SLC8A1: variants seen among roughly 807,000 people sequenced by gnomAD.
The protein encoded by SLC8A1 is solute carrier family 8 member A1.
In SLC8A1, 18 loss-of-function variants were observed where a neutral mutation model predicts 68.3. The ratio of observed to expected loss-of-function variants is 0.26; its 90% CI spans 0.18 to 0.39. SLC8A1 has a LOEUF of 0.39. SLC8A1 is among the 10% of genes least tolerant of loss of function. SLC8A1 has a pLI of 1.00. For synonymous variants in SLC8A1, 475 were observed against 415.5 expected (o/e 1.14, Z -1.74); for missense variants, 985 against 1,156.7 (o/e 0.85, Z 2.15).
At chr2:40,300,320 T>A (rs558711741) in intron 2 of SLC8A1, among the ~76,000 whole-genome samples, 1 of 152,264 alleles carries the variant, frequency 6.6e-6, no homozygotes, top group Non-Finnish European at 1.5e-5. Flanking sequence ...ATCTGACAGA[T>A]GAGAAAGCAG....
intron 2 of SLC8A1, among the ~76,000 whole-genome samples, chr2:40,406,478 G>A (rs1165006761): frequency 6.6e-6 from 1 of 152,106 alleles, no homozygotes; most frequent in African/African-American, 2.4e-5. Flanking sequence ...CTTCTAAATG[G>A]GTTATTGAGC....
intron 2 of SLC8A1, among the ~76,000 whole-genome samples, chr2:40,236,241 C>A (rs1211127453): frequency 2.0e-5 from 3 of 150,950 alleles, no homozygotes; most frequent in Non-Finnish European, 4.4e-5. Flanking sequence ...GTCTAAGTCT[C>A]TTTGAAGGTC....
intron 1 of SLC8A1, among the ~76,000 whole-genome samples, chr2:40,496,118 A>G (rs560547045): frequency 1.9e-4 from 29 of 152,228 alleles, no homozygotes; most frequent in Admixed American, 1.6e-3. Context: ...TTTTGACTCT[A>G]ATAAATGCAA....
intron 2 of SLC8A1, among the ~76,000 whole-genome samples, chr2:40,425,308 T>A (rs1241939978): frequency 2.6e-5 from 4 of 150,972 alleles, no homozygotes; most frequent in South Asian, 4.2e-4. Flanking sequence ...TAGACATTTT[T>A]ATATTATAAA....
chr2:40,129,315 T>C (rs1376908205), intron 7 of SLC8A1, among the ~76,000 whole-genome samples: 2 of 151,964 alleles, frequency 1.3e-5, no homozygotes, highest in Non-Finnish European at 2.9e-5. Flanking sequence ...ACTGCAGCCT[T>C]GGCCTCCTGG....
At chr2:40,364,804 G>A (rs939008498) in intron 2 of SLC8A1, among the ~76,000 whole-genome samples, 2 of 152,016 alleles carry the variant, frequency 1.3e-5, no homozygotes, top group Non-Finnish European at 2.9e-5. Flanking sequence ...TAAACAGAAA[G>A]TTAGGAGAAA....
intron 1 of SLC8A1, among the ~76,000 whole-genome samples, chr2:40,474,031 A>G (rs537235526): frequency 2.1e-4 from 32 of 152,204 alleles, no homozygotes; most frequent in Non-Finnish European, 4.3e-4. Context: ...TACATGATCT[A>G]GAACATTCCA....
At chr2:40,190,199 A>C (rs1488144933) in intron 2 of SLC8A1, among the ~76,000 whole-genome samples, 1 of 152,178 alleles carries the variant, frequency 6.6e-6, no homozygotes, top group Non-Finnish European at 1.5e-5. Flanking sequence ...GTTTGTCATC[A>C]AAATAGCATT....
At chr2:40,358,102 A>T (rs993864089) in intron 2 of SLC8A1, among the ~76,000 whole-genome samples, 4 of 151,266 alleles carry the variant, frequency 2.6e-5, no homozygotes, top group Non-Finnish European at 5.9e-5. Flanking sequence ...CCTAGCCCTC[A>T]TTCCTGTTAT....
intron 2 of SLC8A1, chr2:40,250,517 C>T (rs1449904236): frequency 1.3e-5 from 2 of 149,800 alleles, no homozygotes; most frequent in East Asian, 3.9e-4. Flanking sequence ...AATGTAAGTG[C>T]AAGCGTGGGG....
rs190244554 is a variant in SLC8A1 at position 40,139,285 on chromosome 2, C to T, written c.2437+116G>A. ...ACATTTATTTATACCTCAGGGCTCT[C>T]GTCTTTCATAGGTCTTGGTTTGTTA... On this transcript the variant is annotated intron_variant, in intron 7 of 7. Coordinates refer to ENST00000406785, the Ensembl canonical transcript of SLC8A1. 356 of 1,163,696 alleles carry T rather than the reference C, an allele frequency of 3.1e-4. 2 individuals are homozygous for T. The highest frequency in any genetic ancestry group is 1.5e-3 in the African/African-American group (94 of 64,488). The allele number at this position is 1,163,696 out of a possible 1,614,324, so 72.1% of individuals were successfully genotyped here.
intron 2 of SLC8A1, among the ~76,000 whole-genome samples, chr2:40,213,767 C>T (rs1028116422): frequency 3.3e-5 from 5 of 152,182 alleles, no homozygotes; most frequent in Admixed American, 3.3e-4. Flanking sequence ...ACTAGAGCTG[C>T]ATCAATTCTC....
chr2:40,504,180 C>G (rs1055714311), intron 1 of SLC8A1, among the ~76,000 whole-genome samples: 2 of 151,882 alleles, frequency 1.3e-5, no homozygotes, highest in Non-Finnish European at 2.9e-5. Flanking sequence ...CTCAGTTTTA[C>G]AAAGTTGCCA....
At chr2:40,216,059 A>T (rs2057432077) in intron 2 of SLC8A1, among the ~76,000 whole-genome samples, 1 of 144,332 alleles carries the variant, frequency 6.9e-6, no homozygotes, top group Non-Finnish European at 1.5e-5. Flanking sequence ...AAACTCTGGG[A>T]TACATGTGCA....
At chr2:40,439,595 A>G (rs1322815500) in intron 1 of SLC8A1, among the ~76,000 whole-genome samples, 2 of 152,058 alleles carry the variant, frequency 1.3e-5, no homozygotes, top group African/African-American at 4.8e-5. Context: ...TTATTTTTTA[A>G]TCTTTTTTAA....
chr2:40,462,983 C>T (rs1483663411), intron 1 of SLC8A1, among the ~76,000 whole-genome samples: 1 of 151,394 alleles, frequency 6.6e-6, no homozygotes, highest in East Asian at 1.9e-4. Flanking sequence ...TAAGCAAGGT[C>T]CTGTGTTAGA....
chr2:40,253,552 G>T (rs12467562), intron 2 of SLC8A1, among the ~76,000 whole-genome samples: 2 of 151,972 alleles, frequency 1.3e-5, no homozygotes, highest in African/African-American at 4.8e-5. Context: ...AGGGCCTGGC[G>T]CGGTGGCTCA....
chr2:40,466,839 A>G (rs1433585517), intron 1 of SLC8A1, among the ~76,000 whole-genome samples: 2 of 152,260 alleles, frequency 1.3e-5, no homozygotes, highest in East Asian at 1.9e-4. Context: ...TTTCATTCAC[A>G]TATTTATGCA....
intron 2 of SLC8A1, among the ~76,000 whole-genome samples, chr2:40,380,576 G>A (rs1465385561): frequency 6.6e-6 from 1 of 151,972 alleles, no homozygotes; most frequent in African/African-American, 2.4e-5. Flanking sequence ...TAATTATTCG[G>A]CACAAGTGGG....
Sources: gnomAD v4.1 joint callset for allele counts (sites outside exome capture counted in the v4.1 genomes callset) on GRCh38, gnomAD v4.1.1 for gene constraint, MANE v1.5 for transcripts, NCBI Gene and HGNC (gene_info 2026-07-23, HGNC 2026-07-21) for gene names.